NCOA2: variants seen among roughly 807,000 people sequenced by gnomAD.
NCOA2 encodes the protein class E basic helix-loop-helix protein 75.
NCOA2 carries 21 observed loss-of-function variants against 145.1 expected under a neutral mutation model. That is an observed-to-expected ratio of 0.14 (90% CI 0.10 to 0.21). The LOEUF (loss-of-function observed/expected upper bound fraction) is 0.21. Ranked by LOEUF, NCOA2 falls within the 10% of genes least tolerant of loss-of-function variation. The pLI, the probability that NCOA2 is intolerant of heterozygous loss-of-function variation, is 1.00. For synonymous variants in NCOA2, 619 were observed against 637.5 expected (o/e 0.97, Z 0.44); for missense variants, 1,472 against 1,837.6 (o/e 0.80, Z 3.64).
chr8:70,165,651 C>T (rs1585917853), intron 7 of NCOA2, among the ~76,000 whole-genome samples: 1 of 152,164 alleles, frequency 6.6e-6, no homozygotes, highest in East Asian at 1.9e-4. Context: ...TGGCAAACAG[C>T]CTAATAAGCT....
intron 5 of NCOA2, among the ~76,000 whole-genome samples, chr8:70,171,546 T>C (rs1261358534): frequency 1.3e-5 from 2 of 152,254 alleles, no homozygotes; most frequent in Non-Finnish European, 2.9e-5. Flanking sequence ...CCCTTGCTTA[T>C]CAAAGCTCTG....
chr8:70,445,770 A>T, the NCOA2 span, among the ~76,000 whole-genome samples: 4 of 152,194 alleles, frequency 2.6e-5, no homozygotes, highest in African/African-American at 9.7e-5. Context: ...TGTTTGATTG[A>T]TTGATTGATG....
intron 14 of NCOA2, among the ~76,000 whole-genome samples, chr8:70,139,101 C>A (rs912913764): frequency 1.3e-5 from 2 of 152,254 alleles, no homozygotes; most frequent in Non-Finnish European, 2.9e-5. Context: ...GAGGCCAAGA[C>A]AACCCACAAG....
chr8:70,153,892 T>C (rs1812018523), intron 11 of NCOA2, among the ~76,000 whole-genome samples: 1 of 152,240 alleles, frequency 6.6e-6, no homozygotes, highest in East Asian at 1.9e-4. Context: ...TTTATATAAT[T>C]TGGCTCCGCT....
intron 2 of NCOA2, among the ~76,000 whole-genome samples, chr8:70,229,270 A>G (rs1820927910): frequency 6.6e-6 from 1 of 152,220 alleles, no homozygotes; most frequent in African/African-American, 2.4e-5. Context: ...TGAGTAAATA[A>G]CAGAATTTGA....
At chr8:70,381,529 C>A (rs1325028656) in intron 1 of NCOA2, among the ~76,000 whole-genome samples, 3 of 152,120 alleles carry the variant, frequency 2.0e-5, no homozygotes, top group Non-Finnish European at 2.9e-5. Flanking sequence ...GCTACATAAG[C>A]ACTAATATTA....
chr8:70,143,939 TG>T (rs1490990209), intron 13 of NCOA2, among the ~76,000 whole-genome samples: 1 of 152,210 alleles, frequency 6.6e-6, no homozygotes, highest in East Asian at 1.9e-4. Context: ...AGGATGTGGA[TG>T]TGGTGGCAAC....
intron 22 of NCOA2, among the ~76,000 whole-genome samples, chr8:70,115,044 T>G (rs1205346353): frequency 6.6e-6 from 1 of 152,244 alleles, no homozygotes; most frequent in East Asian, 1.9e-4. Flanking sequence ...TTGTGTCACT[T>G]TTATGATTTC....
the NCOA2 span, among the ~76,000 whole-genome samples, chr8:70,424,797 T>G: frequency 2.0e-5 from 3 of 152,234 alleles, no homozygotes; most frequent in South Asian, 6.2e-4. Flanking sequence ...GTGAATTTCA[T>G]GTAATATTCA....
chr8:70,426,849 G>T, the NCOA2 span, among the ~76,000 whole-genome samples: 2 of 152,224 alleles, frequency 1.3e-5, no homozygotes, highest in African/African-American at 4.8e-5. Flanking sequence ...CTGGAGTGCA[G>T]TGTCACTGTC....
chr8:70,425,327 GT>G, the NCOA2 span, among the ~76,000 whole-genome samples: 1 of 151,960 alleles, frequency 6.6e-6, no homozygotes, highest in African/African-American at 2.4e-5. Context: ...GGTACAGGTG[GT>G]TTTTGGTTTC....
chr8:70,439,082 G>A, the NCOA2 span, among the ~76,000 whole-genome samples: 3 of 152,152 alleles, frequency 2.0e-5, no homozygotes, highest in Admixed American at 2.0e-4. Context: ...CTGTGTATAG[G>A]TCCTATAATA....
At chr8:70,318,350 C>T (rs1166707294) in intron 1 of NCOA2, among the ~76,000 whole-genome samples, 1 of 152,210 alleles carries the variant, frequency 6.6e-6, no homozygotes, top group Non-Finnish European at 1.5e-5. Flanking sequence ...CTGTGTACTT[C>T]CTTGTAAAAT....
intron 1 of NCOA2, among the ~76,000 whole-genome samples, chr8:70,377,043 G>A (rs1198142831): frequency 7.0e-6 from 1 of 142,388 alleles, no homozygotes; most frequent in Non-Finnish European, 1.5e-5. Context: ...TTTTTCTGTA[G>A]TAAATGTGCT....
intron 1 of NCOA2, among the ~76,000 whole-genome samples, chr8:70,313,074 A>G (rs994130479): frequency 6.6e-6 from 1 of 152,220 alleles, no homozygotes; most frequent in Non-Finnish European, 1.5e-5. Flanking sequence ...GGGAACAAAC[A>G]TTTACAGGTA....
At chr8:70,347,578 C>G (rs900432555) in intron 1 of NCOA2, among the ~76,000 whole-genome samples, 16 of 151,984 alleles carry the variant, frequency 1.1e-4, no homozygotes, top group Admixed American at 9.2e-4. Context: ...ATCACTTGAG[C>G]CTGGGAGGTC....
intron 4 of NCOA2, among the ~76,000 whole-genome samples, chr8:70,204,813 G>A (rs575212431): frequency 1.1e-4 from 17 of 152,248 alleles, no homozygotes; most frequent in South Asian, 1.0e-3. Flanking sequence ...GCAACATGGC[G>A]AAACCCTGTC....
At chr8:70,397,902 A>G (rs1448454609) in intron 1 of NCOA2, among the ~76,000 whole-genome samples, 1 of 152,212 alleles carries the variant, frequency 6.6e-6, no homozygotes, top group Admixed American at 6.5e-5. Context: ...TATAATTAAA[A>G]TTACATACAC....
chr8:70,350,425 C>T (rs1809073949), intron 1 of NCOA2, among the ~76,000 whole-genome samples: 1 of 152,146 alleles, frequency 6.6e-6, no homozygotes, highest in Non-Finnish European at 1.5e-5. Flanking sequence ...TAAAAATTGA[C>T]TACATACACC....
Sources: allele counts gnomAD v4.1 joint callset (sites outside exome capture counted in the v4.1 genomes callset), GRCh38; gene constraint gnomAD v4.1.1; transcripts MANE v1.5; gene names NCBI Gene and HGNC (gene_info 2026-07-23, HGNC 2026-07-21).